The following GRIK2 variants were observed in gnomAD, a reference collection of about 807,000 sequenced individuals.
The protein encoded by GRIK2 is glutamate receptor ionotropic, kainate 2.
Under a neutral mutation model 100.3 loss-of-function variants are expected in GRIK2, and 32 were observed. That is an observed-to-expected ratio of 0.32 (90% CI 0.24 to 0.43). The LOEUF (loss-of-function observed/expected upper bound fraction) is 0.43, where lower values mean the gene tolerates loss of function less well. GRIK2 is among the 20% of genes least tolerant of loss of function. The pLI, the probability that GRIK2 is intolerant of heterozygous loss-of-function variation, is 1.00. For synonymous variants in GRIK2, 417 were observed against 389.4 expected (o/e 1.07, Z -0.83); for missense variants, 843 against 1,114.9 (o/e 0.76, Z 3.47).
chr6:101,548,003 A>C (rs1167755128), intron 2 of GRIK2, among the ~76,000 whole-genome samples: 9 of 151,930 alleles, frequency 5.9e-5, no homozygotes, highest in Non-Finnish European at 1.0e-4. Context: ...CTTTTGAATG[A>C]TTGCCATTCT....
intron 14 of GRIK2, among the ~76,000 whole-genome samples, chr6:101,990,881 A>G (rs1794315984): frequency 6.6e-6 from 1 of 151,898 alleles, no homozygotes; most frequent in East Asian, 1.9e-4. Context: ...AAAAAGGAAC[A>G]TTTTAAAACC....
intron 11 of GRIK2, among the ~76,000 whole-genome samples, chr6:101,883,309 A>ATAC (rs1786391302): frequency 6.7e-6 from 1 of 148,772 alleles, no homozygotes; most frequent in African/African-American, 2.4e-5. Flanking sequence ...AATAATAATA[A>ATAC]TAATAATAAT....
intron 9 of GRIK2, among the ~76,000 whole-genome samples, chr6:101,813,754 A>G (rs932103366): frequency 6.6e-6 from 1 of 152,034 alleles, no homozygotes; most frequent in Admixed American, 6.6e-5. Flanking sequence ...ACCTGAGGTC[A>G]GGAGTTCAAG....
At chr6:101,800,171 A>T (rs1780584303) in intron 8 of GRIK2, among the ~76,000 whole-genome samples, 1 of 152,042 alleles carries the variant, frequency 6.6e-6, no homozygotes, top group South Asian at 2.1e-4. Context: ...AAGTATAGTT[A>T]TTCAGATTAA....
At chr6:101,650,616 C>T (rs949393) in intron 4 of GRIK2, among the ~76,000 whole-genome samples, 6 of 152,034 alleles carry the variant, frequency 3.9e-5, no homozygotes, top group Non-Finnish European at 7.4e-5. Context: ...CCAGCCTGAA[C>T]CTCCCATTAT....
chr6:102,052,822 A>C (rs921762189), intron 15 of GRIK2, among the ~76,000 whole-genome samples: 1 of 152,122 alleles, frequency 6.6e-6, no homozygotes, highest in Admixed American at 6.6e-5. Flanking sequence ...ACCTTGGCTC[A>C]TGCCTGTAAT....
rs541159919 is a variant in GRIK2 at position 101,548,457 on chromosome 6, T to A, written c.116-73492T>A. Among the ~76,000 whole-genome samples, 4 of 152,330 alleles carry A rather than the reference T, an allele frequency of 2.6e-5. No individual in the cohort carries two copies. The South Asian group carries it at 8.3e-4, about 32-fold the overall frequency. On this transcript the variant is annotated intron_variant, in intron 2 of 16. Coordinates refer to ENST00000369134, the MANE Select transcript of GRIK2 (RefSeq NM_021956.5). The stretch of plus-strand genomic sequence containing the variant: ...TCTAGAGTTTTTATGGTTTTAGGTC[T>A]AACGTTTAAGTCTTTAATCCATCTT...
intron 2 of GRIK2, among the ~76,000 whole-genome samples, chr6:101,472,940 G>T (rs963853406): frequency 4.0e-5 from 6 of 151,600 alleles, no homozygotes; most frequent in Non-Finnish European, 7.4e-5. Context: ...TGAAAACTAA[G>T]GTCGAGACTA....
chr6:101,678,499 C>A (rs759621383), intron 5 of GRIK2, among the ~76,000 whole-genome samples: 1 of 152,008 alleles, frequency 6.6e-6, no homozygotes, highest in Non-Finnish European at 1.5e-5. Flanking sequence ...CAGTATGCAT[C>A]CTCTGAGGTC....
At chr6:101,811,785 G>A (rs1230607682) in intron 9 of GRIK2, among the ~76,000 whole-genome samples, 1 of 151,526 alleles carries the variant, frequency 6.6e-6, no homozygotes, top group Non-Finnish European at 1.5e-5. Flanking sequence ...ATTTAAAGTA[G>A]TAATATGAGT....
At chr6:101,962,453 T>C (rs968506475) in intron 14 of GRIK2, among the ~76,000 whole-genome samples, 6 of 152,204 alleles carry the variant, frequency 3.9e-5, no homozygotes, top group African/African-American at 1.2e-4. Context: ...TGGCCTGGAA[T>C]GTAGACTACC....
At chr6:101,552,109 G>C (rs1043916266) in intron 2 of GRIK2, among the ~76,000 whole-genome samples, 2 of 152,082 alleles carry the variant, frequency 1.3e-5, no homozygotes, top group African/African-American at 4.8e-5. Flanking sequence ...GAGGGTAATA[G>C]AAGAATATCT....
In GRIK2 at chr6:101,836,659, A is replaced by ATTTTTTTTTTT. The variant is rs1239661989; in HGVS notation, c.1317+18177_1317+18178insTTTTTTTTTTT. ...TATGTATGTGTATATATATATATATATATTTTTTTTTTTTTTTTTTTTTTG... is the reference window on the plus strand; with the variant it reads ...TATGTATGTGTATATATATATATATATTTTTTTTTTTTATTTTTTTTTTTTTTTTTTTTTTG... On this transcript the variant is annotated intron_variant, in intron 10 of 16. Transcript: ENST00000369134. Among the ~76,000 whole-genome samples the ATTTTTTTTTTT allele has an allele frequency of 2.0e-4, 12 of 60,218 alleles. 1 individual carries two copies. Among genetic ancestry groups the ATTTTTTTTTTT allele is most frequent in the South Asian group, 6.5e-4 (1 of 1,530 alleles). 39.5% of individuals were successfully genotyped at this position (60,218 alleles called of 152,430 possible). A position where few individuals can be genotyped will look rare whatever the true frequency, so the allele number is the denominator to read the frequency against.
chr6:101,539,022 AAAG>A lies in GRIK2; in HGVS notation c.116-82925_116-82923del, dbSNP rs144766945. On this transcript the variant is annotated intron_variant, in intron 2 of 16. Coordinates refer to ENST00000369134, the MANE Select transcript of GRIK2 (RefSeq NM_021956.5). Reference sequence around the variant, plus strand: ...GGAAAAATCTGGCATGTTGAAAAAAAAAGAGAATTTCAGGGTTCATCTAGCAAA... The same window carrying A: ...GGAAAAATCTGGCATGTTGAAAAAAAAGAATTTCAGGGTTCATCTAGCAAA... Among the ~76,000 whole-genome samples the A allele has an allele frequency of 6.7e-3, 1,014 of 151,848 alleles. 5 individuals are homozygous for A. Among genetic ancestry groups the A allele is most frequent in the African/African-American group, 0.021 (866 of 41,514 alleles).
At chr6:101,565,891 AATCTTT>A (rs531307150) in intron 2 of GRIK2, among the ~76,000 whole-genome samples, 262 of 142,996 alleles carry the variant, frequency 1.8e-3, no homozygotes, top group African/African-American at 6.4e-3. Context: ...TAATTCTGCC[AATCTTT>A]ATCTTTATAT....
At chr6:101,682,091 A>G (rs1771300673) in intron 5 of GRIK2, among the ~76,000 whole-genome samples, 1 of 152,188 alleles carries the variant, frequency 6.6e-6, no homozygotes, top group Non-Finnish European at 1.5e-5. Flanking sequence ...CATTTCCTTC[A>G]TTAATGCTAT....
At chr6:101,497,989 G>A (rs577292722) in intron 2 of GRIK2, among the ~76,000 whole-genome samples, 2 of 150,074 alleles carry the variant, frequency 1.3e-5, no homozygotes, top group African/African-American at 4.9e-5. Context: ...TTAGCATTAG[G>A]TATATCTCCT....
At chr6:101,717,965 G>A (rs1287189871) in intron 7 of GRIK2, among the ~76,000 whole-genome samples, 1 of 151,612 alleles carries the variant, frequency 6.6e-6, no homozygotes, top group Non-Finnish European at 1.5e-5. Flanking sequence ...AGTTATATTA[G>A]CCATTCTTCT....
intron 11 of GRIK2, among the ~76,000 whole-genome samples, chr6:101,881,646 C>G (rs893731501): frequency 3.3e-5 from 5 of 151,112 alleles, no homozygotes; most frequent in East Asian, 3.9e-4. Flanking sequence ...ATATAAATTC[C>G]AGCTAGCCTG....
Sources: gnomAD v4.1 joint callset for allele counts (sites outside exome capture counted in the v4.1 genomes callset) on GRCh38, gnomAD v4.1.1 for gene constraint, MANE v1.5 for transcripts, NCBI Gene and HGNC (gene_info 2026-07-23, HGNC 2026-07-21) for gene names.